The following NDRG3 variants were observed in gnomAD, a reference collection of about 807,000 sequenced individuals.
NDRG3 encodes the protein NDRG family member 3.
In NDRG3, 23 loss-of-function variants were observed where a neutral mutation model predicts 57.2. The ratio of observed to expected loss-of-function variants is 0.40; its 90% CI spans 0.29 to 0.57. The LOEUF is 0.57. NDRG3 is among the 20% of genes least tolerant of loss of function. The probability of loss-of-function intolerance (pLI) is 0.42; values close to 1 mark genes in which losing one functional copy is unlikely to be tolerated. For missense variants in NDRG3, 384 were observed against 457.3 expected, an observed-to-expected ratio of 0.84 and a Z score of 1.46; for synonymous variants, 132 against 162.6, an observed-to-expected ratio of 0.81 and a Z score of 1.43.
intron 8 of NDRG3, among the ~76,000 whole-genome samples, chr20:36,680,602 A>G (rs1479909571): frequency 6.6e-6 from 1 of 152,210 alleles, no homozygotes; most frequent in Admixed American, 6.5e-5. Flanking sequence ...TGGGAAGGAG[A>G]GGAAGTATCA....
At chr20:36,701,157 A>G (rs924653380) in intron 3 of NDRG3, among the ~76,000 whole-genome samples, 3 of 152,182 alleles carry the variant, frequency 2.0e-5, no homozygotes, top group Admixed American at 1.3e-4. Context: ...TGTTTATAAA[A>G]CAACATGAAA....
Position 36,653,409 on chromosome 20 carries a change from G to T in NDRG3, c.*111C>A. ...CCAGGCTACTAGAGAGAGGTTCAGT[G>T]GCCATGCATGAGTTAAAGATAGTAG... On this transcript the variant is annotated 3_prime_UTR_variant, in exon 16 of 16. Coordinates refer to ENST00000349004, the MANE Select transcript of NDRG3 (RefSeq NM_032013.4). This position sits in a 1 kb window ranked among gnomAD's most constrained non-coding sequence, Gnocchi z 4.2. The T allele has an allele frequency of 2.2e-6, 2 of 906,336 alleles. No homozygotes were observed. Among genetic ancestry groups the T allele is most frequent in the South Asian group, 1.7e-5 (1 of 57,286 alleles). 56.1% of individuals were successfully genotyped at this position (906,336 alleles called of 1,614,324 possible).
intron 1 of NDRG3, among the ~76,000 whole-genome samples, chr20:36,731,321 T>C (rs1985271444): frequency 6.6e-6 from 1 of 151,952 alleles, no homozygotes; most frequent in Non-Finnish European, 1.5e-5. Context: ...TGTCAAAGAA[T>C]TCAAGGGAGA....
chr20:36,680,151 A>C (rs1057259519), intron 8 of NDRG3, among the ~76,000 whole-genome samples: 1 of 151,734 alleles, frequency 6.6e-6, no homozygotes, highest in African/African-American at 2.4e-5. Context: ...CTACTGCTAC[A>C]TACAACTTGG....
chr20:36,733,890 T>A (rs781399375), intron 1 of NDRG3, among the ~76,000 whole-genome samples: 1 of 152,106 alleles, frequency 6.6e-6, no homozygotes, highest in Non-Finnish European at 1.5e-5. Flanking sequence ...CAGATTCACA[T>A]CCTCTCTCTT....
chr20:36,707,640 A>G (rs1983622063), intron 2 of NDRG3, among the ~76,000 whole-genome samples: 1 of 152,202 alleles, frequency 6.6e-6, no homozygotes, highest in African/African-American at 2.4e-5. Context: ...TTAAAAAGTC[A>G]AACACAGTCA....
chr20:36,658,236 A>C (rs1407080882), intron 13 of NDRG3, among the ~76,000 whole-genome samples: 1 of 152,168 alleles, frequency 6.6e-6, no homozygotes. Context: ...GGTTCAAGCG[A>C]TTCTCCTGCC....
intron 5 of NDRG3, among the ~76,000 whole-genome samples, chr20:36,685,131 G>C (rs1273837972): frequency 6.6e-6 from 1 of 152,056 alleles, no homozygotes; most frequent in African/African-American, 2.4e-5. Flanking sequence ...ACCTCCGGCA[G>C]TAAGAGTCAA....
rs977886485 is a variant in NDRG3, at chr20:36,734,190, G to A, written c.-49+11855C>T. 3.8e-4 allele frequency among the ~76,000 whole-genome samples: 58 copies of A among 151,536 alleles called. 1 individual carries two copies. The highest frequency in any genetic ancestry group is 1.3e-3 in the African/African-American group (55 of 41,176). On this transcript the variant is annotated intron_variant, in intron 1 of 15. Transcript: ENST00000349004. Reference sequence around the variant, plus strand: ...CCATTGCACTCCAGCCTGAGTGACAGAGCGAGACTCCGTCTCAAAAAAAAA... The same window carrying A: ...CCATTGCACTCCAGCCTGAGTGACAAAGCGAGACTCCGTCTCAAAAAAAAA...
chr20:36,660,942 C>A (rs1352559715), intron 12 of NDRG3, among the ~76,000 whole-genome samples: 1 of 152,224 alleles, frequency 6.6e-6, no homozygotes, highest in African/African-American at 2.4e-5. Flanking sequence ...GAATCTGTTA[C>A]GTGTCTTTAA....
chr20:36,728,211 G>A (rs949154441), intron 1 of NDRG3, among the ~76,000 whole-genome samples: 3 of 151,898 alleles, frequency 2.0e-5, no homozygotes, highest in South Asian at 2.1e-4. Context: ...CTGCCACAAC[G>A]CCCGGCTAAT....
intron 1 of NDRG3, among the ~76,000 whole-genome samples, chr20:36,730,161 C>A (rs180939739): frequency 6.6e-6 from 1 of 151,122 alleles, no homozygotes; most frequent in African/African-American, 2.4e-5. Context: ...GCAGGAGACG[C>A]GCTTGAACCT....
At chr20:36,700,856 C>A (rs192128579) in intron 3 of NDRG3, among the ~76,000 whole-genome samples, 1 of 152,230 alleles carries the variant, frequency 6.6e-6, no homozygotes, top group African/African-American at 2.4e-5. Flanking sequence ...TCACTGTAAT[C>A]TTGAACTCCT....
intron 3 of NDRG3, among the ~76,000 whole-genome samples, chr20:36,694,667 G>C (rs1982621785): frequency 6.6e-6 from 1 of 152,038 alleles, no homozygotes; most frequent in Non-Finnish European, 1.5e-5. Context: ...TGTAAATCCT[G>C]TGAAGTCATA....
intron 1 of NDRG3, among the ~76,000 whole-genome samples, chr20:36,724,706 T>G (rs562397858): frequency 1.7e-4 from 26 of 152,036 alleles, no homozygotes; most frequent in Admixed American, 1.6e-3. Flanking sequence ...GATGGATGGA[T>G]CACCTGAGGT....
At chr20:36,727,836 C>T (rs565231071) in intron 1 of NDRG3, among the ~76,000 whole-genome samples, 4 of 152,142 alleles carry the variant, frequency 2.6e-5, no homozygotes, top group South Asian at 2.1e-4. Flanking sequence ...CCACCGTGCC[C>T]GGCCTATTTC....
rs141890634 is a variant in NDRG3, at chr20:36,651,971, A to G, written c.*1549T>C. 3 of 152,314 alleles carry G rather than the reference A, an allele frequency of 2.0e-5. No homozygotes were observed. Among genetic ancestry groups the G allele is most frequent in the African/African-American group, 7.2e-5 (3 of 41,548 alleles). 9.4% of individuals were successfully genotyped at this position (152,314 alleles called of 1,614,324 possible). ...TGCTATGTGGTAGTTGGTCTCCACA[A>G]TTCTCTCACCCTCCAGCAATACTCT... On this transcript the variant is annotated 3_prime_UTR_variant, in exon 16 of 16. Transcript: ENST00000349004.
At chr20:36,737,328 C>A (rs888879858) in intron 1 of NDRG3, among the ~76,000 whole-genome samples, 3 of 152,070 alleles carry the variant, frequency 2.0e-5, no homozygotes, top group Non-Finnish European at 4.4e-5. Flanking sequence ...ACCAGCAAAG[C>A]CCTGGGGTGT....
chr20:36,681,724 A>G (rs1410366472), intron 7 of NDRG3, among the ~76,000 whole-genome samples: 1 of 150,358 alleles, frequency 6.7e-6, no homozygotes, highest in African/African-American at 2.4e-5. Flanking sequence ...TTTGAGACAG[A>G]GTTTCGCTCT....
Sources: gnomAD v4.1 joint callset for allele counts (sites outside exome capture counted in the v4.1 genomes callset) on GRCh38, gnomAD v4.1.1 for gene constraint, Gnocchi (gnomAD v3.1) non-coding constraint, MANE v1.5 for transcripts, NCBI Gene and HGNC (gene_info 2026-07-23, HGNC 2026-07-21) for gene names.